STXBP4: variants seen among roughly 807,000 people sequenced by gnomAD.
The protein encoded by STXBP4 is syntaxin-binding protein 4.
STXBP4 carries 55 observed loss-of-function variants against 76.1 expected under a neutral mutation model. The observed-to-expected ratio is 0.72, with a 90% CI of 0.58 to 0.91. STXBP4 has a LOEUF of 0.91. STXBP4 is among the 40% of genes least tolerant of loss of function. The probability of loss-of-function intolerance (pLI) is 0.00; values close to 1 mark genes in which losing one functional copy is unlikely to be tolerated. For synonymous variants in STXBP4, 201 were observed against 220.2 expected, an observed-to-expected ratio of 0.91 and a Z score of 0.77; for missense variants, 618 against 636.9, an observed-to-expected ratio of 0.97 and a Z score of 0.32.
intron 17 of STXBP4, among the ~76,000 whole-genome samples, chr17:55,142,353 G>C (rs748985794): frequency 2.6e-5 from 4 of 152,126 alleles, no homozygotes; most frequent in Non-Finnish European, 4.4e-5. Flanking sequence ...AGTATACTTG[G>C]TATGCATTTT....
the STXBP4 span, among the ~76,000 whole-genome samples, chr17:55,185,531 G>T: frequency 6.6e-6 from 1 of 152,084 alleles, no homozygotes; most frequent in Non-Finnish European, 1.5e-5. Context: ...AGGAATCTCT[G>T]TGGAGAATAT....
chr17:55,018,517 A>G (rs138455856), intron 8 of STXBP4, among the ~76,000 whole-genome samples: 36 of 152,274 alleles, frequency 2.4e-4, no homozygotes, highest in African/African-American at 8.4e-4. Context: ...TTTATTTTCA[A>G]TTTACATGAG....
chr17:55,022,560 T>C (rs1007730196), intron 8 of STXBP4, among the ~76,000 whole-genome samples: 1 of 152,086 alleles, frequency 6.6e-6, no homozygotes, highest in African/African-American at 2.4e-5. Context: ...GTGGGGGAAG[T>C]AGAAAATTCA....
chr17:55,026,368 G>A (rs1294265567), intron 8 of STXBP4, among the ~76,000 whole-genome samples: 1 of 152,102 alleles, frequency 6.6e-6, no homozygotes, highest in Non-Finnish European at 1.5e-5. Context: ...GTAGATTAGA[G>A]CGGTATTAGC....
chr17:55,123,438 T>C (rs1294960932), intron 16 of STXBP4, among the ~76,000 whole-genome samples: 1 of 152,200 alleles, frequency 6.6e-6, no homozygotes, highest in Non-Finnish European at 1.5e-5. Flanking sequence ...GAGATAATTC[T>C]CATATTTCCT....
intron 12 of STXBP4, among the ~76,000 whole-genome samples, chr17:55,072,604 T>C (rs2079134442): frequency 6.6e-6 from 1 of 152,180 alleles, no homozygotes; most frequent in Non-Finnish European, 1.5e-5. Context: ...GAGCCCTTTC[T>C]TATTCTTCTG....
At chr17:55,041,290 G>A (rs1039655233) in intron 10 of STXBP4, among the ~76,000 whole-genome samples, 1 of 148,534 alleles carries the variant, frequency 6.7e-6, no homozygotes, top group Non-Finnish European at 1.5e-5. Flanking sequence ...GAGTGCAGTG[G>A]TGCAATCTCG....
chr17:55,089,499 G>T (rs549632380), intron 16 of STXBP4, among the ~76,000 whole-genome samples: 1 of 152,232 alleles, frequency 6.6e-6, no homozygotes, highest in South Asian at 2.1e-4. Context: ...GGAAACTTTT[G>T]TCTGTTCTGT....
At chr17:55,211,818 T>TG in the STXBP4 span, among the ~76,000 whole-genome samples, 1 of 135,598 alleles carries the variant, frequency 7.4e-6, no homozygotes, top group Non-Finnish European at 1.6e-5. Flanking sequence ...TTTTTTTTTT[T>TG]TTTTTTTTTT....
intron 16 of STXBP4, among the ~76,000 whole-genome samples, chr17:55,128,479 C>T (rs550734949): frequency 4.6e-5 from 7 of 152,314 alleles, no homozygotes; most frequent in Non-Finnish European, 7.4e-5. Context: ...CCCACTTTAC[C>T]TGCACAACTT....
Position 54,999,714 on chromosome 17 carries a change from A to G in STXBP4, c.370A>G (p.Ile124Val), listed in dbSNP as rs747333606. ...QPENLSCTSL[I>V]EASGEYGPQA... ...AGAAAATCTGTCATGTACATCACTTATAGAAGCTTCAGGAGAATATGGACC... is the reference window on the plus strand; with the variant it reads ...AGAAAATCTGTCATGTACATCACTTGTAGAAGCTTCAGGAGAATATGGACC... Residue 124 changes from isoleucine (I) to valine (V), a missense_variant, in exon 6 of 18, where the codon ATA becomes GTA. By Grantham distance (29) the Ile-to-Val change is conservative (BLOSUM62 3). Transcript: ENST00000376352. The G allele has an allele frequency of 5.6e-6, 9 of 1,613,798 alleles. No individual in the cohort carries two copies. The highest frequency in any genetic ancestry group is 7.6e-6 in the Non-Finnish European group (9 of 1,179,826).
rs59927441 is a variant in STXBP4 at position 54,984,344 on chromosome 17, T to C, written c.-156-1270T>C. Among the ~76,000 whole-genome samples, 413 of 117,552 alleles carry C rather than the reference T, an allele frequency of 3.5e-3. 6 individuals are homozygous for C. The highest frequency in any genetic ancestry group is 0.021 in the Middle Eastern group (5 of 234). 77.1% of individuals were successfully genotyped at this position (117,552 alleles called of 152,430 possible). ...GGACTCTCTTTTTCTTTTTTCTTTTTTTTTTTTTTTTTTTTTGAGACGGAG... is the reference window on the plus strand; with the variant it reads ...GGACTCTCTTTTTCTTTTTTCTTTTCTTTTTTTTTTTTTTTTGAGACGGAG... On this transcript the variant is annotated intron_variant, in intron 1 of 17. Coordinates refer to ENST00000376352, the MANE Select transcript of STXBP4 (RefSeq NM_178509.6).
At chr17:55,035,989 C>T (rs1305968986) in intron 10 of STXBP4, among the ~76,000 whole-genome samples, 1 of 151,956 alleles carries the variant, frequency 6.6e-6, no homozygotes, top group Non-Finnish European at 1.5e-5. Context: ...TGCTTTACCT[C>T]AAATAATTTA....
At chr17:55,041,802 A>G (rs2078702799) in intron 10 of STXBP4, among the ~76,000 whole-genome samples, 1 of 152,114 alleles carries the variant, frequency 6.6e-6, no homozygotes, top group South Asian at 2.1e-4. Context: ...TACAGGAAAT[A>G]AGGTTAATTT....
intron 8 of STXBP4, among the ~76,000 whole-genome samples, chr17:55,013,040 T>G (rs1469118205): frequency 6.6e-6 from 1 of 152,216 alleles, no homozygotes; most frequent in African/African-American, 2.4e-5. Context: ...TAGCAGTGAG[T>G]ATGCTGTTCA....
chr17:55,032,228 T>G (rs2078521478), intron 9 of STXBP4, among the ~76,000 whole-genome samples: 1 of 152,124 alleles, frequency 6.6e-6, no homozygotes, highest in Non-Finnish European at 1.5e-5. Context: ...GTATTATTTA[T>G]AAAGCATCTG....
chr17:55,187,660 C>T, the STXBP4 span, among the ~76,000 whole-genome samples: 6 of 152,118 alleles, frequency 3.9e-5, no homozygotes, highest in African/African-American at 1.4e-4. Context: ...AGAACACATC[C>T]GAATTTCCCC....
At chr17:54,975,614 A>G (rs1258647011) in intron 1 of STXBP4, among the ~76,000 whole-genome samples, 2 of 152,184 alleles carry the variant, frequency 1.3e-5, no homozygotes, top group Non-Finnish European at 1.5e-5. Flanking sequence ...GGTTAAAGGT[A>G]AGAGATAAAG....
intron 12 of STXBP4, among the ~76,000 whole-genome samples, chr17:55,050,659 G>T (rs558697972): frequency 2.3e-4 from 35 of 152,110 alleles, no homozygotes; most frequent in South Asian, 1.5e-3. Flanking sequence ...TACATGAAAT[G>T]GTATTCTTTT....
Sources: gnomAD v4.1 joint callset for allele counts (sites outside exome capture counted in the v4.1 genomes callset) on GRCh38, gnomAD v4.1.1 for gene constraint, MANE v1.5 for transcripts, NCBI Gene and HGNC (gene_info 2026-07-23, HGNC 2026-07-21) for gene names.